The following SLC17A1 variants were observed in gnomAD, a reference collection of about 807,000 sequenced individuals.
SLC17A1 encodes the protein sodium-dependent phosphate transport protein 1.
Under a neutral mutation model 53.5 loss-of-function variants are expected in SLC17A1, and 51 were observed. The ratio of observed to expected loss-of-function variants is 0.95; its 90% CI spans 0.76 to 1.20. The LOEUF (loss-of-function observed/expected upper bound fraction) is 1.20. SLC17A1 is among the 50% of genes most tolerant of loss of function. The pLI is 0.00. For synonymous variants in SLC17A1, 179 were observed against 198.8 expected, an observed-to-expected ratio of 0.90 and a Z score of 0.84; for missense variants, 538 against 568.2, an observed-to-expected ratio of 0.95 and a Z score of 0.54.
the SLC17A1 span, chr6:25,726,581 G>A: frequency 2.6e-6 from 4 of 1,556,010 alleles, no homozygotes; most frequent in African/African-American, 1.4e-5. Context: ...GGCTGCTACT[G>A]GGCCTATTTA....
rs1308927716 is a variant in SLC17A1, at chr6:25,812,982, C to T, written c.746G>A (p.Ser249Asn). 6.2e-7 allele frequency: 1 copy of T among 1,613,910 alleles called. No individual in the cohort carries two copies. The highest frequency in any genetic ancestry group is 1.7e-5 in the Admixed American group (1 of 59,994). ...TSSLVQQVSS[S>N]RQSLPIKAIL... ...AGCCTTGATAGGCAGAGATTGTCTA[C>T]TTGAACTGACCTGGAGAGAAATTCA... Residue 249 changes from serine (S) to asparagine (N), a missense_variant, in exon 8 of 13, where the codon AGT becomes AAT. Coordinates refer to ENST00000244527, the MANE Select transcript of SLC17A1 (RefSeq NM_005074.5).
the SLC17A1 span, among the ~76,000 whole-genome samples, chr6:25,753,613 G>C: frequency 3.9e-5 from 6 of 152,150 alleles, no homozygotes; most frequent in Non-Finnish European, 8.8e-5. Context: ...CATACTGTTG[G>C]AATTAATGTT....
Position 25,805,886 on chromosome 6 carries a change from C to CCAACAAAAA in SLC17A1, c.1179-4907_1179-4906insTTTTTGTTG, listed in dbSNP as rs936420336. On this transcript the variant is annotated intron_variant, in intron 10 of 12. Transcript: ENST00000244527. ...TTAAATCAGTAATTTTAAAAAATTG[C>CCAACAAAAA]CAACAACAACAACAACAACAAAGCC... Among the ~76,000 whole-genome samples the CCAACAAAAA allele has an allele frequency of 2.0e-5, 3 of 151,334 alleles. No homozygotes were observed. The East Asian group carries it at 5.8e-4, about 29-fold the overall frequency.
the SLC17A1 span, chr6:25,769,249 T>C: frequency 6.9e-7 from 1 of 1,452,458 alleles, no homozygotes; most frequent in South Asian, 1.2e-5. Context: ...CTTAAAGAGT[T>C]ATAAAAGAGT....
intron 12 of SLC17A1, among the ~76,000 whole-genome samples, chr6:25,784,695 A>T (rs2151472161): frequency 6.6e-6 from 1 of 152,232 alleles, no homozygotes; most frequent in South Asian, 2.1e-4. Context: ...TACCTTACAG[A>T]TATTGTTCAG....
chr6:25,830,669 C>G (rs1295718839), intron 1 of SLC17A1, 62 bp from the exon 2 acceptor site: 1 of 1,069,936 alleles, frequency 9.3e-7, no homozygotes, highest in African/African-American at 1.5e-5. Context: ...CAAACACTAC[C>G]CAGTACTCCT....
the SLC17A1 span, chr6:25,727,059 C>T: frequency 2.5e-6 from 4 of 1,614,242 alleles, no homozygotes; most frequent in East Asian, 2.2e-5. Flanking sequence ...AAAGCAGGTC[C>T]ATCCGGACAC....
intron 3 of SLC17A1, among the ~76,000 whole-genome samples, chr6:25,822,895 A>G (rs1429636242): frequency 6.6e-6 from 1 of 152,190 alleles, no homozygotes; most frequent in East Asian, 1.9e-4. Flanking sequence ...AGCTATCACC[A>G]CAATTAAGAC....
the SLC17A1 span, among the ~76,000 whole-genome samples, chr6:25,735,853 A>G: frequency 6.6e-6 from 1 of 152,196 alleles, no homozygotes; most frequent in Admixed American, 6.5e-5. Context: ...GGTTTAATCA[A>G]TAAAGGAACT....
chr6:25,758,120 A>T, the SLC17A1 span, among the ~76,000 whole-genome samples: 2 of 152,178 alleles, frequency 1.3e-5, no homozygotes, highest in Non-Finnish European at 2.9e-5. Flanking sequence ...TCACCACCTC[A>T]TGCCCTTAGA....
intron 2 of SLC17A1, 47 bp from the exon 3 acceptor site, chr6:25,826,680 A>C: frequency 7.0e-7 from 1 of 1,425,134 alleles, no homozygotes. Flanking sequence ...AGCTGAGATA[A>C]AAACATACTT....
At chr6:25,723,817 A>G in the SLC17A1 span, among the ~76,000 whole-genome samples, 12 of 152,208 alleles carry the variant, frequency 7.9e-5, no homozygotes, top group Admixed American at 6.5e-4. Context: ...AAATAAGTCA[A>G]TATCACCATT....
intron 12 of SLC17A1, among the ~76,000 whole-genome samples, chr6:25,785,839 G>A (rs1477173782): frequency 6.6e-6 from 1 of 152,164 alleles, no homozygotes; most frequent in African/African-American, 2.4e-5. Context: ...AAGTGTTGAT[G>A]AGGATATGGA....
chr6:25,820,007 T>C (rs1234795601), intron 3 of SLC17A1, 92 bp from the exon 4 acceptor site: 1 of 791,790 alleles, frequency 1.3e-6, no homozygotes, highest in Non-Finnish European at 2.0e-6. Flanking sequence ...CTGGCTCACC[T>C]CATGGAAAGT....
the SLC17A1 span, chr6:25,732,765 T>A: frequency 3.0e-6 from 3 of 1,014,958 alleles, no homozygotes; most frequent in Non-Finnish European, 4.4e-6. Flanking sequence ...TTGCCCAACA[T>A]CCAAGCTGTG....
the SLC17A1 span, among the ~76,000 whole-genome samples, chr6:25,776,401 T>TC: frequency 2.7e-5 from 4 of 150,772 alleles, no homozygotes; most frequent in Non-Finnish European, 5.9e-5. Context: ...GCCTTGTTCT[T>TC]TTTTTTTTGC....
downstream of SLC17A1, chr6:25,780,905 T>C (rs1763252073): frequency 6.6e-6 from 1 of 152,114 alleles, no homozygotes; most frequent in South Asian, 2.1e-4. Flanking sequence ...TGCTATTATA[T>C]TAATGGGGAT....
At chr6:25,727,062 C>T in the SLC17A1 span, 2 of 1,614,106 alleles carry the variant, frequency 1.2e-6, no homozygotes, top group Non-Finnish European at 1.7e-6. Context: ...GCAGGTCCAT[C>T]CGGACACTGG....
chr6:25,762,934 A>G, the SLC17A1 span, among the ~76,000 whole-genome samples: 1 of 152,176 alleles, frequency 6.6e-6, no homozygotes, highest in Non-Finnish European at 1.5e-5. Context: ...CTTAAAATTA[A>G]TAATACGAAG....
Sources: allele counts gnomAD v4.1 joint callset (sites outside exome capture counted in the v4.1 genomes callset), GRCh38; gene constraint gnomAD v4.1.1; transcripts MANE v1.5; gene names NCBI Gene and HGNC (gene_info 2026-07-23, HGNC 2026-07-21).